Variants in NUMB observed in about 807,000 individuals in gnomAD.
NUMB encodes the protein protein numb homolog.
In NUMB, 29 loss-of-function variants were observed where a neutral mutation model predicts 59.7. The observed-to-expected ratio is 0.49, with a 90% CI of 0.36 to 0.66. The LOEUF (loss-of-function observed/expected upper bound fraction) is 0.66. Among genes scored for constraint, NUMB ranks in the 30% least tolerant of loss-of-function variants. The pLI is 0.00. For synonymous variants in NUMB, 288 were observed against 288.2 expected, an observed-to-expected ratio of 1.00 and a Z score of 0.01; for missense variants, 723 against 822.0, an observed-to-expected ratio of 0.88 and a Z score of 1.47.
At chr14:73,422,674 C>G (rs1897400734) in intron 1 of NUMB, among the ~76,000 whole-genome samples, 1 of 151,532 alleles carries the variant, frequency 6.6e-6, no homozygotes, top group Non-Finnish European at 1.5e-5. Flanking sequence ...ATGGTGAGAT[C>G]AGGGGAAAGG....
At chr14:73,331,131 T>C (rs1238010419) in intron 4 of NUMB, among the ~76,000 whole-genome samples, 4 of 152,260 alleles carry the variant, frequency 2.6e-5, no homozygotes, top group African/African-American at 9.6e-5. Context: ...TCTTATTGTA[T>C]AATCCTTTAT....
chr14:73,330,615 T>C (rs1891917253), intron 4 of NUMB, among the ~76,000 whole-genome samples: 1 of 152,178 alleles, frequency 6.6e-6, no homozygotes, highest in Non-Finnish European at 1.5e-5. Flanking sequence ...AGTTTGAGGA[T>C]TAAATGACTT....
intron 2 of NUMB, among the ~76,000 whole-genome samples, chr14:73,399,666 T>C (rs1467664509): frequency 6.6e-6 from 1 of 152,232 alleles, no homozygotes. Context: ...GGAGGACTGC[T>C]TGAGGCCAGG....
chr14:73,431,868 T>C (rs1897847094), intron 1 of NUMB, among the ~76,000 whole-genome samples: 1 of 152,058 alleles, frequency 6.6e-6, no homozygotes, highest in South Asian at 2.1e-4. Context: ...TTCTAAAATC[T>C]TTACCCAAAG....
chr14:73,366,304 C>T (rs1027798371), intron 3 of NUMB, among the ~76,000 whole-genome samples: 1 of 152,160 alleles, frequency 6.6e-6, no homozygotes, highest in East Asian at 1.9e-4. Context: ...TTCTTTAGAT[C>T]TAACTTATTC....
At chr14:73,382,126 G>T (rs1381342275) in intron 2 of NUMB, among the ~76,000 whole-genome samples, 1 of 152,230 alleles carries the variant, frequency 6.6e-6, no homozygotes, top group South Asian at 2.1e-4. Context: ...CCCAACATGC[G>T]GAGGCAAAGT....
chr14:73,371,258 G>A (rs546739126), intron 2 of NUMB, among the ~76,000 whole-genome samples: 5 of 152,088 alleles, frequency 3.3e-5, no homozygotes, highest in South Asian at 4.2e-4. Context: ...TATAACAGCC[G>A]GGCTCAGTGG....
At position 73,287,115 on chromosome 14, in the gene NUMB, T is replaced by C; in HGVS notation, c.650A>G (p.Lys217Arg). The C allele has an allele frequency of 1.2e-6, 2 of 1,613,896 alleles. No homozygotes were observed. The highest frequency in any genetic ancestry group is 1.7e-6 in the Non-Finnish European group (2 of 1,179,824). The change falls in exon 9 of 13, where the codon AAG (lysine) becomes AGG (arginine). Residue 217 changes from lysine (K) to arginine (R), a missense_variant. This residue lies in a region of NUMB where 317 missense variants were observed against 436.6 expected (regional missense o/e 0.73). Coordinates refer to ENST00000555238, the MANE Select transcript of NUMB (RefSeq NM_001005743.2). ...CACTGTAGAACAGATTGTACCTTTC[T>C]TGGCATCTTGCATTTGTTTCATGAT... ...EEIMKQMQDA[K>R]KAETDKIVVG...
chr14:73,402,009 C>T (rs998640758), intron 2 of NUMB, among the ~76,000 whole-genome samples: 4 of 152,100 alleles, frequency 2.6e-5, no homozygotes, highest in African/African-American at 7.2e-5. Flanking sequence ...ACCACGTGCA[C>T]GCACCACCAT....
At chr14:73,277,347 C>G in intron 12 of NUMB, 54 bp from the exon 13 acceptor site, 3 of 1,319,878 alleles carry the variant, frequency 2.3e-6, no homozygotes, top group Non-Finnish European at 3.1e-6. Context: ...TCTTTCCTCA[C>G]CTTATAATCT....
At chr14:73,394,033 T>C (rs1449762305) in intron 2 of NUMB, among the ~76,000 whole-genome samples, 1 of 151,942 alleles carries the variant, frequency 6.6e-6, no homozygotes, top group Non-Finnish European at 1.5e-5. Context: ...TTGCGCGATC[T>C]TGGCTCACTG....
intron 1 of NUMB, among the ~76,000 whole-genome samples, chr14:73,436,651 C>T (rs1404530183): frequency 6.6e-6 from 1 of 151,910 alleles, no homozygotes; most frequent in African/African-American, 2.4e-5. Context: ...CTTTCAGAAG[C>T]AAATAAGTCA....
chr14:73,278,224 T>G (rs1278727903), intron 12 of NUMB, among the ~76,000 whole-genome samples: 2 of 152,126 alleles, frequency 1.3e-5, no homozygotes, highest in Non-Finnish European at 2.9e-5. Flanking sequence ...TTTATTACTA[T>G]GTTAAAACCT....
chr14:73,395,393 T>C (rs1205410158), intron 2 of NUMB, among the ~76,000 whole-genome samples: 2 of 151,666 alleles, frequency 1.3e-5, no homozygotes, highest in African/African-American at 4.9e-5. Context: ...GAGGCAGAGG[T>C]AGGTAGACTG....
chr14:73,388,814 T>C (rs928976461), intron 2 of NUMB, among the ~76,000 whole-genome samples: 23 of 150,236 alleles, frequency 1.5e-4, no homozygotes, highest in Admixed American at 1.3e-3. Context: ...AAAAATACAA[T>C]GGGCCGGGCG....
At chr14:73,304,003 A>G (rs1197914404) in intron 6 of NUMB, among the ~76,000 whole-genome samples, 2 of 152,258 alleles carry the variant, frequency 1.3e-5, no homozygotes, top group African/African-American at 2.4e-5. Context: ...ATATAAACCA[A>G]TATAGCAACT....
At chr14:73,389,293 A>AAAAT (rs1566775238) in intron 2 of NUMB, among the ~76,000 whole-genome samples, 2 of 84,668 alleles carry the variant, frequency 2.4e-5, no homozygotes, top group African/African-American at 1.3e-4. Context: ...AAAAAAAAAA[A>AAAAT]CAAAAACAAA....
intron 4 of NUMB, among the ~76,000 whole-genome samples, chr14:73,325,911 G>C (rs1891639341): frequency 6.6e-6 from 1 of 152,186 alleles, no homozygotes; most frequent in Non-Finnish European, 1.5e-5. Context: ...CTGTTTGGTA[G>C]AATGGTGATT....
intron 7 of NUMB, among the ~76,000 whole-genome samples, chr14:73,294,682 G>A (rs190094853): frequency 6.7e-5 from 10 of 149,596 alleles, no homozygotes; most frequent in Non-Finnish European, 1.2e-4. Context: ...CATGCCCAGC[G>A]AATTTTTTGT....
Sources: gnomAD v4.1 joint callset for allele counts (sites outside exome capture counted in the v4.1 genomes callset) on GRCh38, gnomAD v4.1.1 for gene constraint, gnomAD v4.1.1 regional missense constraint, MANE v1.5 for transcripts, NCBI Gene and HGNC (gene_info 2026-07-23, HGNC 2026-07-21) for gene names.